Variants in CHRM3 observed in about 807,000 individuals in gnomAD.
CHRM3 encodes the protein cholinergic receptor muscarinic 3, also known as muscarinic acetylcholine receptor M3.
In CHRM3, 11 loss-of-function variants were observed where a neutral mutation model predicts 41.8. That is an observed-to-expected ratio of 0.26 (90% CI 0.17 to 0.44). The LOEUF is 0.44. Among genes scored for constraint, CHRM3 ranks in the 20% least tolerant of loss-of-function variants. The pLI, the probability that CHRM3 is intolerant of heterozygous loss-of-function variation, is 1.00. For synonymous variants in CHRM3, 297 were observed against 301.4 expected, an observed-to-expected ratio of 0.99 and a Z score of 0.15; for missense variants, 571 against 745.4, an observed-to-expected ratio of 0.77 and a Z score of 2.72.
chr1:239,436,557 A>T (rs1213824294), intron 1 of CHRM3, among the ~76,000 whole-genome samples: 1 of 151,690 alleles, frequency 6.6e-6, no homozygotes, highest in Admixed American at 6.6e-5. Flanking sequence ...CTGCTTGTTC[A>T]TCTGTCTCAC....
intron 5 of CHRM3, among the ~76,000 whole-genome samples, chr1:239,763,913 T>C (rs1667002487): frequency 6.6e-6 from 1 of 151,410 alleles, no homozygotes; most frequent in African/African-American, 2.4e-5. Context: ...CTGGGCAACA[T>C]AGCAAGACCC....
chr1:239,491,296 A>G (rs941205516), intron 1 of CHRM3, among the ~76,000 whole-genome samples: 2 of 152,068 alleles, frequency 1.3e-5, no homozygotes, highest in Admixed American at 6.6e-5. Context: ...TATTCTTCCT[A>G]TCTAGCTGCA....
chr1:239,391,961 C>T (rs1335237074), intron 1 of CHRM3, among the ~76,000 whole-genome samples: 1 of 152,138 alleles, frequency 6.6e-6, no homozygotes, highest in African/African-American at 2.4e-5. Flanking sequence ...TAGCAATTCT[C>T]ATGCCCCCCT....
At chr1:239,713,907 A>G (rs1227161227) in intron 5 of CHRM3, among the ~76,000 whole-genome samples, 1 of 152,164 alleles carries the variant, frequency 6.6e-6, no homozygotes, top group Non-Finnish European at 1.5e-5. Context: ...AGAGAAATGT[A>G]TGTACCTCTT....
At chr1:239,486,380 C>T (rs567570502) in intron 1 of CHRM3, among the ~76,000 whole-genome samples, 1 of 152,296 alleles carries the variant, frequency 6.6e-6, no homozygotes, top group East Asian at 1.9e-4. Flanking sequence ...TGTACCGCCA[C>T]AAACCCCATC....
chr1:239,457,029 A>G (rs1369242602), intron 1 of CHRM3, among the ~76,000 whole-genome samples: 1 of 152,208 alleles, frequency 6.6e-6, no homozygotes, highest in Non-Finnish European at 1.5e-5. Flanking sequence ...TCTGAGGGAA[A>G]GCCATAGATG....
intron 3 of CHRM3, among the ~76,000 whole-genome samples, chr1:239,614,680 T>G (rs957436157): frequency 3.3e-5 from 5 of 152,210 alleles, no homozygotes; most frequent in Non-Finnish European, 7.3e-5. Flanking sequence ...AACTCCATTC[T>G]TTCCTTGGAA....
intron 2 of CHRM3, among the ~76,000 whole-genome samples, chr1:239,517,619 T>A (rs533474498): frequency 2.6e-5 from 4 of 152,340 alleles, no homozygotes; most frequent in Admixed American, 2.6e-4. Flanking sequence ...AGGTCAAAAG[T>A]ATCTTTCAGA....
chr1:239,565,534 G>A (rs928847188), intron 3 of CHRM3, among the ~76,000 whole-genome samples: 6 of 152,098 alleles, frequency 3.9e-5, no homozygotes, highest in African/African-American at 4.8e-5. Context: ...CTAATTAAAC[G>A]TAGGAATTAA....
chr1:239,636,256 A>G (rs537892874), intron 4 of CHRM3, among the ~76,000 whole-genome samples: 2 of 152,362 alleles, frequency 1.3e-5, no homozygotes, highest in Non-Finnish European at 1.5e-5. Context: ...TTTTATGGGC[A>G]TGATAATATT....
chr1:239,870,447 A>G (rs562198208), intron 6 of CHRM3, among the ~76,000 whole-genome samples: 2 of 152,312 alleles, frequency 1.3e-5, no homozygotes, highest in South Asian at 4.1e-4. Flanking sequence ...GACATGCCAG[A>G]CATTCAACCC....
chr1:239,726,641 A>G (rs1416168110), intron 5 of CHRM3, among the ~76,000 whole-genome samples: 2 of 151,916 alleles, frequency 1.3e-5, no homozygotes, highest in Non-Finnish European at 2.9e-5. Flanking sequence ...TATCTAGTGT[A>G]CAGAACACTT....
chr1:239,414,203 G>T (rs529856404), intron 1 of CHRM3, among the ~76,000 whole-genome samples: 2 of 152,252 alleles, frequency 1.3e-5, no homozygotes, highest in South Asian at 4.1e-4. Context: ...TGTTTCATCT[G>T]CTCCTTTGCT....
chr1:239,913,709 A>AG lies in CHRM3; in HGVS notation c.*4486dup. ...ATGATAAGAAAATAAAAATGAGAAA[A>AG]GAAGATCTAGTTCATAAAATGACTA... On this transcript the variant is annotated 3_prime_UTR_variant, in exon 7 of 7. Transcript: ENST00000676153. The AG allele has an allele frequency of 6.0e-6, 1 of 167,118 alleles. No individual in the cohort carries two copies. 10.4% of individuals were successfully genotyped at this position (167,118 alleles called of 1,614,324 possible).
chr1:239,431,999 CTT>C (rs1020148715), intron 1 of CHRM3, among the ~76,000 whole-genome samples: 4 of 151,650 alleles, frequency 2.6e-5, no homozygotes, highest in African/African-American at 9.7e-5. Flanking sequence ...TCCACACACT[CTT>C]TGTTCCTCCT....
intron 4 of CHRM3, among the ~76,000 whole-genome samples, chr1:239,674,569 G>T (rs1242385063): frequency 6.6e-6 from 1 of 151,872 alleles, no homozygotes; most frequent in Admixed American, 6.6e-5. Context: ...AATTAGCTGG[G>T]CTTGGTGGCG....
chr1:239,610,128 G>A (rs1472277859), intron 3 of CHRM3, among the ~76,000 whole-genome samples: 3 of 140,428 alleles, frequency 2.1e-5, no homozygotes, highest in African/African-American at 7.8e-5. Flanking sequence ...GGGAGGCGGG[G>A]CTTGCAGTGA....
chr1:239,787,193 G>T (rs1482996435), intron 5 of CHRM3, among the ~76,000 whole-genome samples: 1 of 152,190 alleles, frequency 6.6e-6, no homozygotes. Flanking sequence ...TTTAATTTTA[G>T]ATTTCTGAAG....
intron 5 of CHRM3, among the ~76,000 whole-genome samples, chr1:239,791,665 ATC>A (rs1214224179): frequency 6.6e-6 from 1 of 152,194 alleles, no homozygotes; most frequent in Non-Finnish European, 1.5e-5. Flanking sequence ...GCTCAGTATA[ATC>A]TCTGCCAGCT....
Sources: allele counts gnomAD v4.1 joint callset (sites outside exome capture counted in the v4.1 genomes callset), GRCh38; gene constraint gnomAD v4.1.1; transcripts MANE v1.5; gene names NCBI Gene and HGNC (gene_info 2026-07-23, HGNC 2026-07-21).